ZC3HC1: variants seen among roughly 807,000 people sequenced by gnomAD.
ZC3HC1 encodes zinc finger C3HC-type protein 1.
Under a neutral mutation model 61.9 loss-of-function variants are expected in ZC3HC1, and 38 were observed. That is an observed-to-expected ratio of 0.61 (90% CI 0.47 to 0.81). ZC3HC1 has a LOEUF of 0.81. Ranked by LOEUF, ZC3HC1 falls within the 30% of genes least tolerant of loss-of-function variation. The pLI is 0.00. For missense variants in ZC3HC1, 554 were observed against 622.7 expected (o/e 0.89, Z 1.17); for synonymous variants, 213 against 229.9 (o/e 0.93, Z 0.67).
chr7:130,020,278 T>C (rs546761005), intron 9 of ZC3HC1, among the ~76,000 whole-genome samples: 63 of 151,272 alleles, frequency 4.2e-4, no homozygotes, highest in South Asian at 1.2e-3. Context: ...TTTTTTCTTT[T>C]TTTTTTTTTT....
In ZC3HC1 at chr7:130,049,049, C is replaced by T. The variant is rs1216890221; in HGVS notation, c.242G>A (p.Arg81Lys). The T allele has an allele frequency of 9.4e-6, 15 of 1,602,136 alleles. No homozygotes were observed. Among genetic ancestry groups the T allele is most frequent in the Non-Finnish European group, 1.3e-5 (15 of 1,175,254 alleles). The change falls in exon 2 of 10, where the codon AGA becomes AAA. Residue 81 changes from arginine (R) to lysine (K), a missense_variant. Arg to Lys is a conservative substitution (Grantham distance 26). Coordinates refer to ENST00000358303, the MANE Select transcript of ZC3HC1 (RefSeq NM_016478.5). ...AAAGGATATAGAAAATGTTTCCACTCTGCTAAAGAAGGCTTCTTTGCTTGT... is the reference window on the plus strand; with the variant it reads ...AAAGGATATAGAAAATGTTTCCACTTTGCTAAAGAAGGCTTCTTTGCTTGT... Reference protein sequence around the residue: ...ESTSKEAFFSRVETFSSLKWA... With the variant: ...ESTSKEAFFSKVETFSSLKWA...
Position 130,023,680 on chromosome 7 carries a change from C to A in ZC3HC1, c.1064G>T (p.Trp355Leu), listed in dbSNP as rs767579360. 5 of 1,614,094 alleles carry A rather than the reference C, an allele frequency of 3.1e-6. No homozygotes were observed. Among genetic ancestry groups the A allele is most frequent in the Non-Finnish European group, 3.4e-6 (4 of 1,180,044 alleles). ...PGPIVSRTRS[W>L]DSSSPVDRPE... is the part of the protein sequence containing the mutation. ...ACGGTCAACAGGACTGGAAGAGTCCCAGCTCCGAGTTCGAGAGACAATGGG... is the reference window on the plus strand; with the variant it reads ...ACGGTCAACAGGACTGGAAGAGTCCAAGCTCCGAGTTCGAGAGACAATGGG... Residue 355 changes from tryptophan to leucine, a missense_variant, in exon 8 of 10, where the codon TGG becomes TTG. Coordinates refer to ENST00000358303, the MANE Select transcript of ZC3HC1 (RefSeq NM_016478.5). The surrounding 1 kb of genome is among the most constrained non-coding windows in gnomAD (Gnocchi z 4.2).
chr7:130,050,225 G>A (rs903017306), intron 1 of ZC3HC1, among the ~76,000 whole-genome samples: 1 of 151,940 alleles, frequency 6.6e-6, no homozygotes, highest in Non-Finnish European at 1.5e-5. Flanking sequence ...CTACAGGCGC[G>A]GGCCACCACG....
intron 4 of ZC3HC1, among the ~76,000 whole-genome samples, chr7:130,031,324 C>A (rs894273551): frequency 2.4e-3 from 265 of 111,144 alleles, no homozygotes; most frequent in African/African-American, 3.5e-3. Flanking sequence ...AACTCCATCT[C>A]AAAAAAAAAA....
chr7:130,023,634 G>A lies in ZC3HC1; in HGVS notation c.1110C>T (p.Ser370=). ...PVDRPEPEAA[S]PTTRTRPVTR... ...TCACTGGGCGAGTTCTGGTGGTGGG[G>A]CTAGCAGCCTCTGGCTCAGGACGGT... Residue 370 remains serine (S), a synonymous_variant, in exon 8 of 10, where the codon AGC becomes AGT. Transcript: ENST00000358303. This position sits in a 1 kb window ranked among gnomAD's most constrained non-coding sequence, Gnocchi z 4.2. The A allele has an allele frequency of 6.2e-7, 1 of 1,614,176 alleles. No individual in the cohort carries two copies. Among genetic ancestry groups the A allele is most frequent in the Non-Finnish European group, 8.5e-7 (1 of 1,180,036 alleles).
intron 2 of ZC3HC1, among the ~76,000 whole-genome samples, chr7:130,042,182 A>T (rs1319582936): frequency 6.6e-6 from 1 of 151,788 alleles, no homozygotes; most frequent in Non-Finnish European, 1.5e-5. Context: ...GCATGCCTGT[A>T]GTCTCAGCTA....
At chr7:130,020,753 TTTC>T (rs1793606641) in intron 9 of ZC3HC1, among the ~76,000 whole-genome samples, 2 of 152,094 alleles carry the variant, frequency 1.3e-5, no homozygotes, top group African/African-American at 4.8e-5. Context: ...AGGCTTTCTT[TTTC>T]GTATGGCAGT....
At position 130,041,023 on chromosome 7, in the gene ZC3HC1, C is replaced by A; in HGVS notation, c.337G>T (p.Asp113Tyr). Residue 113 changes from aspartate (D) to tyrosine (Y), a missense_variant, in exon 3 of 10, where the codon GAT becomes TAT. Physicochemically the swap from Asp to Tyr is radical, Grantham distance 160. Coordinates refer to ENST00000358303, the MANE Select transcript of ZC3HC1 (RefSeq NM_016478.5). ...AKYGWVTVEC[D>Y]MLKCSSCQAF... Reference sequence around the variant, plus strand: ...TGACAGCTAGAGCACTTGAGCATATCACATTCCACTGTGACCCAGCCATAT... The same window carrying A: ...TGACAGCTAGAGCACTTGAGCATATAACATTCCACTGTGACCCAGCCATAT... 1 of 1,614,058 alleles carries A rather than the reference C, an allele frequency of 6.2e-7. No homozygotes were observed.
rs577521251 is a variant in ZC3HC1 at position 130,025,183 on chromosome 7, T to C, written c.777-677A>G. 7.3e-5 allele frequency among the ~76,000 whole-genome samples: 11 copies of C among 151,186 alleles called. No individual in the cohort carries two copies. In the South Asian group the frequency reaches 1.9e-3, roughly 26 times the overall value. On this transcript the variant is annotated intron_variant, in intron 6 of 9. Coordinates refer to ENST00000358303, the MANE Select transcript of ZC3HC1 (RefSeq NM_016478.5). The stretch of plus-strand genomic sequence containing the variant: ...GGCCTCCCAAAGTGCTGGGATTAAA[T>C]AAGTGTGAGCCACCGTACCCACCCT...
At chr7:130,035,673 G>T (rs184280955) in intron 4 of ZC3HC1, among the ~76,000 whole-genome samples, 1 of 152,148 alleles carries the variant, frequency 6.6e-6, no homozygotes, top group East Asian at 1.9e-4. Context: ...TAGTAGAGAT[G>T]GGGTTTCACC....
rs990245632 is a variant in ZC3HC1 at position 130,018,549 on chromosome 7, A to G, written c.*115T>C. On this transcript the variant is annotated 3_prime_UTR_variant, in exon 10 of 10. Coordinates refer to ENST00000358303, the MANE Select transcript of ZC3HC1 (RefSeq NM_016478.5). The stretch of plus-strand genomic sequence containing the variant: ...CCTTTGCTATGGCAGGGGGCTCCTT[A>G]TGATTAACCCAGAACAGGAAAAACT... 1 of 852,200 alleles carries G rather than the reference A, an allele frequency of 1.2e-6. No individual in the cohort carries two copies. Among genetic ancestry groups the G allele is most frequent in the Non-Finnish European group, 1.9e-6 (1 of 532,320 alleles). 52.8% of individuals were successfully genotyped at this position (852,200 alleles called of 1,614,324 possible).
At position 130,026,561 on chromosome 7, in the gene ZC3HC1, A is replaced by T. The variant is rs528502621; in HGVS notation, c.622-249T>A. The T allele has an allele frequency of 2.2e-4, 77 of 350,362 alleles. 1 individual carries two copies. The South Asian group carries it at 5.3e-3, about 24-fold the overall frequency. The allele number at this position is 350,362 out of a possible 1,614,324, so 21.7% of individuals were successfully genotyped here. ...CCCTGGAACTGCCAAAACTCTTGTT[A>T]GTACTAAATTGTTCAATTTACCAGC... On this transcript the variant is annotated intron_variant, in intron 5 of 9. Coordinates refer to ENST00000358303, the MANE Select transcript of ZC3HC1 (RefSeq NM_016478.5).
At chr7:130,025,975 A>G (rs768631595) in intron 6 of ZC3HC1, among the ~76,000 whole-genome samples, 183 bp downstream of exon 6, 1 of 152,048 alleles carries the variant, frequency 6.6e-6, no homozygotes, top group Non-Finnish European at 1.5e-5. Flanking sequence ...CTGAATTCCA[A>G]TTCTGGTTTT....
At chr7:130,034,680 T>C (rs890954810) in intron 4 of ZC3HC1, among the ~76,000 whole-genome samples, 1 of 151,918 alleles carries the variant, frequency 6.6e-6, no homozygotes, top group Non-Finnish European at 1.5e-5. Flanking sequence ...AAATTTTTTC[T>C]TTGTAGAGAC....
intron 1 of ZC3HC1, among the ~76,000 whole-genome samples, chr7:130,050,151 C>CCG (rs1267445378): frequency 6.6e-6 from 1 of 152,058 alleles, no homozygotes; most frequent in East Asian, 1.9e-4. Context: ...GATCTCGGCT[C>CCG]ACTGCAACCT....
rs760810708 is a variant in ZC3HC1 at position 130,024,325 on chromosome 7, C to T, written c.958G>A (p.Glu320Lys). 1 of 1,614,116 alleles carries T rather than the reference C, an allele frequency of 6.2e-7. No individual in the cohort carries two copies. The highest frequency in any genetic ancestry group is 1.1e-5 in the South Asian group (1 of 91,076). The change falls in exon 7 of 10, where the codon GAA becomes AAA. Residue 320 changes from glutamate (E) to lysine (K), a missense_variant. Coordinates refer to ENST00000358303, the MANE Select transcript of ZC3HC1 (RefSeq NM_016478.5). Reference protein sequence around the residue: ...GRPERLPLVPESPRRMMTRSQ... With the variant: ...GRPERLPLVPKSPRRMMTRSQ... ...CGGGTCATCATCCTCCGAGGAGATT[C>T]AGGCACCAGAGGTAAGCGCTCTGGT...
At chr7:130,040,637 C>T (rs1417471423) in intron 3 of ZC3HC1, among the ~76,000 whole-genome samples, 1 of 148,768 alleles carries the variant, frequency 6.7e-6, no homozygotes, top group African/African-American at 2.5e-5. Flanking sequence ...AAAACCCCAC[C>T]TCTACAAAAA....
chr7:130,021,741 G>A (rs1236836308), intron 9 of ZC3HC1, among the ~76,000 whole-genome samples: 6 of 152,120 alleles, frequency 3.9e-5, no homozygotes, highest in East Asian at 1.9e-4. Context: ...TTCTGTTTCC[G>A]TACTCCTTTT....
chr7:130,050,063 T>C (rs1321168185), intron 1 of ZC3HC1, among the ~76,000 whole-genome samples: 2 of 152,016 alleles, frequency 1.3e-5, no homozygotes, highest in Non-Finnish European at 2.9e-5. Flanking sequence ...GCCTGGGGAA[T>C]TGCTGAAAGA....
Sources: allele counts gnomAD v4.1 joint callset (sites outside exome capture counted in the v4.1 genomes callset), GRCh38; gene constraint gnomAD v4.1.1; non-coding constraint Gnocchi (gnomAD v3.1); transcripts MANE v1.5; gene names NCBI Gene and HGNC (gene_info 2026-07-23, HGNC 2026-07-21).